CFAP58: variants seen among roughly 807,000 people sequenced by gnomAD.
CFAP58 encodes cilia and flagella associated protein 58.
A neutral mutation model predicts 119.5 loss-of-function variants in CFAP58; 88 were observed. That is an observed-to-expected ratio of 0.74 (90% CI 0.62 to 0.88). The LOEUF (loss-of-function observed/expected upper bound fraction) is 0.88. CFAP58 is among the 40% of genes least tolerant of loss of function. CFAP58 has a pLI of 0.00. For synonymous variants in CFAP58, 365 were observed against 366.3 expected, an observed-to-expected ratio of 1.00 and a Z score of 0.04; for missense variants, 990 against 1,021.2, an observed-to-expected ratio of 0.97 and a Z score of 0.42.
chr10:104,356,288 G>A (rs2014541685), intron 1 of CFAP58, among the ~76,000 whole-genome samples: 1 of 152,120 alleles, frequency 6.6e-6, no homozygotes, highest in African/African-American at 2.4e-5. Flanking sequence ...AAGTGTTTTC[G>A]AAAACCAAGA....
Position 104,357,920 on chromosome 10 carries a change from TGTACACATATAC to T in CFAP58, c.10-420_10-409del, listed in dbSNP as rs1424509295. On this transcript the variant is annotated intron_variant, in intron 1 of 17. Coordinates refer to ENST00000369704, the MANE Select transcript of CFAP58 (RefSeq NM_001008723.2). The stretch of plus-strand genomic sequence containing the variant: ...ATATGTACACATATACACACATATA[TGTACACATATAC>T]ACACATATATGTACACATATATACA... Among the ~76,000 whole-genome samples the T allele has an allele frequency of 2.3e-3, 275 of 117,854 alleles. 12 individuals are homozygous for T. Among genetic ancestry groups the T allele is most frequent in the African/African-American group, 6.4e-3 (139 of 21,674 alleles). The allele number at this position is 117,854 out of a possible 152,430, so 77.3% of individuals were successfully genotyped here.
chr10:104,355,915 T>A (rs2014537466), intron 1 of CFAP58, among the ~76,000 whole-genome samples: 1 of 152,252 alleles, frequency 6.6e-6, no homozygotes, highest in Admixed American at 6.5e-5. Flanking sequence ...AAACTTGGAC[T>A]GCTAACAAAT....
At chr10:104,408,022 G>A (rs993633987) in intron 15 of CFAP58, among the ~76,000 whole-genome samples, 1 of 152,180 alleles carries the variant, frequency 6.6e-6, no homozygotes, top group Admixed American at 6.5e-5. Context: ...TAATCACTAG[G>A]TTAATATTAG....
intron 7 of CFAP58, among the ~76,000 whole-genome samples, chr10:104,376,548 G>A (rs558770099): frequency 1.3e-5 from 2 of 151,298 alleles, no homozygotes; most frequent in African/African-American, 2.4e-5. Context: ...CATTTTTGGC[G>A]TTGGAGAAAT....
intron 7 of CFAP58, among the ~76,000 whole-genome samples, chr10:104,373,842 A>G (rs886664846): frequency 5.9e-5 from 9 of 152,232 alleles, no homozygotes; most frequent in Admixed American, 5.2e-4. Flanking sequence ...TTCAATAATC[A>G]AATTGTATAG....
chr10:104,361,993 T>C (rs1245981032), intron 2 of CFAP58, 30 bp from the exon 3 acceptor site: 18 of 1,602,296 alleles, frequency 1.1e-5, no homozygotes, highest in Non-Finnish European at 1.4e-5. Flanking sequence ...CAGTTTGGTC[T>C]TTCTCACTGA....
intron 15 of CFAP58, among the ~76,000 whole-genome samples, chr10:104,429,930 CACTG>C (rs1247614348): frequency 6.6e-6 from 1 of 151,814 alleles, no homozygotes; most frequent in Non-Finnish European, 1.5e-5. Flanking sequence ...CTGGCTCTCT[CACTG>C]ACAGCCCCTC....
At chr10:104,364,217 C>A (rs1035113302) in intron 3 of CFAP58, among the ~76,000 whole-genome samples, 2 of 152,168 alleles carry the variant, frequency 1.3e-5, no homozygotes, top group Middle Eastern at 3.4e-3. Context: ...GTGATCATAG[C>A]CCTCCAGTGG....
chr10:104,397,808 G>C (rs1402076541), intron 11 of CFAP58, among the ~76,000 whole-genome samples: 1 of 152,138 alleles, frequency 6.6e-6, no homozygotes, highest in East Asian at 1.9e-4. Flanking sequence ...ATGCATCCCA[G>C]TTGGGCATGG....
At chr10:104,432,078 T>A (rs1185038166) in intron 15 of CFAP58, among the ~76,000 whole-genome samples, 1 of 152,138 alleles carries the variant, frequency 6.6e-6, no homozygotes, top group Admixed American at 6.5e-5. Context: ...AGGGTATGTA[T>A]CTACAAGTAG....
intron 7 of CFAP58, among the ~76,000 whole-genome samples, chr10:104,375,758 G>A (rs777266254): frequency 1.3e-5 from 2 of 149,224 alleles, no homozygotes; most frequent in Non-Finnish European, 3.0e-5. Flanking sequence ...GTTCAGAAAA[G>A]CAGGACAATT....
chr10:104,416,594 A>T (rs916998892), intron 15 of CFAP58, among the ~76,000 whole-genome samples: 1 of 152,218 alleles, frequency 6.6e-6, no homozygotes, highest in Admixed American at 6.5e-5. Flanking sequence ...TCATTTTTAG[A>T]TAATTCTTTC....
intron 17 of CFAP58, among the ~76,000 whole-genome samples, chr10:104,451,535 T>G (rs1395542450): frequency 6.6e-6 from 1 of 152,218 alleles, no homozygotes; most frequent in East Asian, 1.9e-4. Flanking sequence ...TTAATAAGCT[T>G]CTCAGGTGAT....
chr10:104,356,675 AT>A (rs111813538), intron 1 of CFAP58, among the ~76,000 whole-genome samples: 48 of 148,546 alleles, frequency 3.2e-4, no homozygotes, highest in South Asian at 1.7e-3. Flanking sequence ...TTTTTCTGAG[AT>A]TTTTTTTTTT....
Position 104,399,459 on chromosome 10 carries a change from G to A in CFAP58, c.1774G>A (p.Ala592Thr). The A allele has an allele frequency of 6.2e-7, 1 of 1,613,834 alleles. No individual in the cohort carries two copies. ...ERKLLRIIAE[A>T]DGERLRQKKE... ...AAAACTCCTGCGAATAATTGCTGAG[G>A]CTGACGGGGAGAGGTTGAGACAGAA... Residue 592 changes from alanine to threonine, a missense_variant, in exon 12 of 18, where the codon GCT becomes ACT. Ala to Thr is a moderately conservative substitution (Grantham distance 58). Transcript: ENST00000369704.
chr10:104,374,853 A>G (rs1490524493), intron 7 of CFAP58, among the ~76,000 whole-genome samples: 1 of 151,682 alleles, frequency 6.6e-6, no homozygotes, highest in Non-Finnish European at 1.5e-5. Context: ...CTGCAAAAAA[A>G]AAAAAAAAGA....
Position 104,358,334 on chromosome 10 carries a change from TC to T in CFAP58, c.10-6del, listed in dbSNP as rs2014621943. ...TGCCCTTTCCCATCCCTGCTTTTTT[TC>T]TATAGGAAAAGGGTGGAAAGCAAGT... On this transcript the variant is annotated splice_region_variant and splice_polypyrimidine_tract_variant and intron_variant, in intron 1 of 17. Coordinates refer to ENST00000369704, the MANE Select transcript of CFAP58 (RefSeq NM_001008723.2). The T allele has an allele frequency of 6.2e-7, 1 of 1,603,546 alleles. No individual in the cohort carries two copies. Among genetic ancestry groups the T allele is most frequent in the African/African-American group, 1.3e-5 (1 of 74,288 alleles).
chr10:104,357,778 T>C (rs1344162557), intron 1 of CFAP58, among the ~76,000 whole-genome samples: 3 of 149,700 alleles, frequency 2.0e-5, no homozygotes, highest in Admixed American at 2.0e-4. Flanking sequence ...TGTGTATATA[T>C]GTGTGTTTAT....
the CFAP58 span, among the ~76,000 whole-genome samples, chr10:104,339,182 GC>G: frequency 6.6e-6 from 1 of 152,296 alleles, no homozygotes; most frequent in African/African-American, 2.4e-5. Context: ...GAGCCACCGC[GC>G]CCGACTTTTA....
Sources: allele counts gnomAD v4.1 joint callset (sites outside exome capture counted in the v4.1 genomes callset), GRCh38; gene constraint gnomAD v4.1.1; transcripts MANE v1.5; gene names NCBI Gene and HGNC (gene_info 2026-07-23, HGNC 2026-07-21).